LGR5: variants seen among roughly 807,000 people sequenced by gnomAD.
LGR5 encodes the protein leucine rich repeat containing G protein-coupled receptor 5.
Under a neutral mutation model 76.7 loss-of-function variants are expected in LGR5, and 54 were observed. That is an observed-to-expected ratio of 0.70 (90% CI 0.57 to 0.88). The LOEUF is 0.88. LGR5 is among the 40% of genes least tolerant of loss of function. The pLI is 0.00. For missense variants in LGR5, 1,078 were observed against 1,073.3 expected, an observed-to-expected ratio of 1.00 and a Z score of -0.06; for synonymous variants, 406 against 421.9, an observed-to-expected ratio of 0.96 and a Z score of 0.46.
chr12:71,573,113 T>C (rs538120619), intron 13 of LGR5, 192 bp downstream of exon 13: 2 of 499,852 alleles, frequency 4.0e-6, no homozygotes, highest in East Asian at 6.7e-5. Context: ...TTTGCAATTA[T>C]GCTCTCTACC....
intron 7 of LGR5, among the ~76,000 whole-genome samples, chr12:71,560,164 A>G (rs1295873423): frequency 6.6e-6 from 1 of 152,226 alleles, no homozygotes; most frequent in African/African-American, 2.4e-5. Flanking sequence ...TAGAAAATCC[A>G]TGTATAACTT....
In LGR5 at chr12:71,582,497, G is replaced by A. The variant is rs751941791; in HGVS notation, c.1594G>A (p.Asp532Asn). The A allele has an allele frequency of 1.2e-6, 2 of 1,614,098 alleles. No homozygotes were observed. Among genetic ancestry groups the A allele is most frequent in the East Asian group, 4.5e-5 (2 of 44,864 alleles). The stretch of plus-strand genomic sequence containing the variant: ...AGATTTCCTGCTTGACTTTGAGGAA[G>A]ACCTGAAAGCCCTTCATTCAGTGCA... ...LEDFLLDFEEDLKALHSVQCS... is the reference protein window; with the variant it reads ...LEDFLLDFEENLKALHSVQCS... The change falls in exon 17 of 18, where the codon GAC becomes AAC. Residue 532 changes from aspartate to asparagine, a missense_variant. Transcript: ENST00000266674.
chr12:71,502,193 C>CTTTTTT (rs776486573), intron 1 of LGR5, among the ~76,000 whole-genome samples: 4 of 123,170 alleles, frequency 3.2e-5, no homozygotes, highest in South Asian at 2.6e-4. Flanking sequence ...AGGTACTTTC[C>CTTTTTT]TTTTTTTTTT....
chr12:71,570,914 T>C (rs1878580819), intron 11 of LGR5, among the ~76,000 whole-genome samples: 1 of 152,208 alleles, frequency 6.6e-6, no homozygotes, highest in Non-Finnish European at 1.5e-5. Context: ...TCTACCAACT[T>C]TCTTTTCTTT....
intron 2 of LGR5, among the ~76,000 whole-genome samples, chr12:71,521,292 C>T (rs565013211): frequency 6.6e-6 from 1 of 152,316 alleles, no homozygotes; most frequent in East Asian, 1.9e-4. Context: ...TCCTTCAATC[C>T]TTGACTTTCA....
rs754498740 is a variant in LGR5, at chr12:71,559,488, A to C, written c.717-98A>C. 2.2e-3 allele frequency: 1,457 copies of C among 675,214 alleles called. 31 individuals are homozygous for C. Among genetic ancestry groups the C allele is most frequent in the Admixed American group, 7.7e-4 (29 of 37,778 alleles). 41.8% of individuals were successfully genotyped at this position (675,214 alleles called of 1,614,324 possible). A position where few individuals can be genotyped will look rare whatever the true frequency, so the allele number is the denominator to read the frequency against. ...AAAGCAGTGAGAACTTCCATTAGTC[A>C]TATGGGTTCCTTGGAATAGCATGTT... On this transcript the variant is annotated intron_variant, in intron 6 of 17. Transcript: ENST00000266674.
At position 71,440,380 on chromosome 12, in the gene LGR5, C is replaced by T; in HGVS notation, c.212+88C>T. ...GCGAGGCTGGAGGCTCCTCGGCGCC[C>T]GCCTGCTCGTGGGGGAGGGGGGCGA... On this transcript the variant is annotated intron_variant, in intron 1 of 17. Transcript: ENST00000266674. The surrounding 1 kb of genome is among the most constrained non-coding windows in gnomAD (Gnocchi z 5.3). The T allele has an allele frequency of 7.6e-6, 10 of 1,316,050 alleles. No individual in the cohort carries two copies. The highest frequency in any genetic ancestry group is 8.5e-6 in the Non-Finnish European group (8 of 937,516). 81.5% of individuals were successfully genotyped at this position (1,316,050 alleles called of 1,614,324 possible). A position where few individuals can be genotyped will look rare whatever the true frequency, so the allele number is the denominator to read the frequency against.
intron 1 of LGR5, among the ~76,000 whole-genome samples, chr12:71,450,784 C>T (rs1159487671): frequency 6.6e-6 from 1 of 152,112 alleles, no homozygotes; most frequent in Admixed American, 6.6e-5. Context: ...GTAGCAGTTT[C>T]CTGTCATGGT....
intron 1 of LGR5, among the ~76,000 whole-genome samples, chr12:71,472,098 A>G (rs889735424): frequency 1.3e-5 from 2 of 152,260 alleles, no homozygotes; most frequent in African/African-American, 2.4e-5. Context: ...AATCATCACT[A>G]AAGAATTTAT....
intron 16 of LGR5, among the ~76,000 whole-genome samples, chr12:71,581,607 C>A (rs1325401162): frequency 6.6e-6 from 1 of 152,252 alleles, no homozygotes; most frequent in East Asian, 1.9e-4. Context: ...TAGGCCACAG[C>A]ATGTGTCTTG....
chr12:71,486,531 T>C (rs1329030496), intron 1 of LGR5, among the ~76,000 whole-genome samples: 1 of 152,236 alleles, frequency 6.6e-6, no homozygotes, highest in Non-Finnish European at 1.5e-5. Flanking sequence ...AGTGCTTATC[T>C]GATGTAAAAT....
At chr12:71,547,234 A>G (rs1202265610) in intron 4 of LGR5, among the ~76,000 whole-genome samples, 1 of 151,816 alleles carries the variant, frequency 6.6e-6, no homozygotes, top group Non-Finnish European at 1.5e-5. Flanking sequence ...CAACTATTCT[A>G]TTGCTGGCCT....
chr12:71,455,636 T>C (rs1872440005), intron 1 of LGR5, among the ~76,000 whole-genome samples: 1 of 152,184 alleles, frequency 6.6e-6, no homozygotes, highest in African/African-American at 2.4e-5. Flanking sequence ...TTTGGCATGA[T>C]TTGTGCACCT....
chr12:71,539,232 G>A (rs573376296), intron 4 of LGR5, among the ~76,000 whole-genome samples: 7 of 152,198 alleles, frequency 4.6e-5, no homozygotes, highest in Admixed American at 6.5e-5. Flanking sequence ...CTAACAAAGT[G>A]GTCTACAAAT....
At chr12:71,463,618 T>C (rs1312284549) in intron 1 of LGR5, among the ~76,000 whole-genome samples, 1 of 152,164 alleles carries the variant, frequency 6.6e-6, no homozygotes, top group African/African-American at 2.4e-5. Flanking sequence ...ATGATGATTA[T>C]TTAAGTCCGT....
chr12:71,520,312 T>C (rs1875663483), intron 2 of LGR5, among the ~76,000 whole-genome samples: 1 of 152,118 alleles, frequency 6.6e-6, no homozygotes, highest in African/African-American at 2.4e-5. Flanking sequence ...AAAGAAAACA[T>C]TATATGATTC....
chr12:71,469,578 G>T (rs1873008485), intron 1 of LGR5, among the ~76,000 whole-genome samples: 1 of 152,240 alleles, frequency 6.6e-6, no homozygotes, highest in South Asian at 2.1e-4. Context: ...ACACAAAGAA[G>T]CCAAGAGGGG....
chr12:71,491,680 C>T (rs866408895), intron 1 of LGR5, among the ~76,000 whole-genome samples: 1 of 151,036 alleles, frequency 6.6e-6, no homozygotes. Context: ...CAGTGGACCC[C>T]TGTGGCATTA....
At chr12:71,495,575 A>T (rs1028980229) in intron 1 of LGR5, among the ~76,000 whole-genome samples, 1 of 151,252 alleles carries the variant, frequency 6.6e-6, no homozygotes, top group Non-Finnish European at 1.5e-5. Context: ...TTTTACTTTA[A>T]CATTTCTCAT....
Sources: allele counts gnomAD v4.1 joint callset (sites outside exome capture counted in the v4.1 genomes callset), GRCh38; gene constraint gnomAD v4.1.1; non-coding constraint Gnocchi (gnomAD v3.1); transcripts MANE v1.5; gene names NCBI Gene and HGNC (gene_info 2026-07-23, HGNC 2026-07-21).